The following SPATA17 variants were observed in gnomAD, a reference collection of about 807,000 sequenced individuals.
SPATA17 encodes the protein spermatogenesis-associated protein 17.
Under a neutral mutation model 62.2 loss-of-function variants are expected in SPATA17, and 53 were observed. The ratio of observed to expected loss-of-function variants is 0.85; its 90% CI spans 0.68 to 1.07. The LOEUF (loss-of-function observed/expected upper bound fraction) is 1.07. Ranked by LOEUF, SPATA17 falls within the 50% of genes least tolerant of loss-of-function variation. SPATA17 has a pLI of 0.00. For synonymous variants in SPATA17, 146 were observed against 146.8 expected (o/e 0.99, Z 0.04); for missense variants, 466 against 425.5 (o/e 1.10, Z -0.84).
intron 4 of SPATA17, among the ~76,000 whole-genome samples, chr1:217,674,212 A>T (rs1462781153): frequency 1.3e-5 from 2 of 152,176 alleles, no homozygotes; most frequent in South Asian, 2.1e-4. Context: ...GGAAGCAAGG[A>T]TTTAAAAAAG....
chr1:217,687,714 A>G (rs886162170), intron 5 of SPATA17, among the ~76,000 whole-genome samples: 2 of 152,158 alleles, frequency 1.3e-5, no homozygotes, highest in Non-Finnish European at 2.9e-5. Context: ...CACGATGATG[A>G]AATTGCCTAA....
At chr1:217,824,698 TATA>T (rs1334905916) in intron 9 of SPATA17, among the ~76,000 whole-genome samples, 5 of 150,874 alleles carry the variant, frequency 3.3e-5, no homozygotes, top group African/African-American at 1.2e-4. Context: ...ATATATATTT[TATA>T]ATGTGTTCTT....
intron 5 of SPATA17, among the ~76,000 whole-genome samples, chr1:217,715,292 T>G (rs1402021410): frequency 1.3e-5 from 2 of 152,210 alleles, no homozygotes; most frequent in Non-Finnish European, 2.9e-5. Context: ...TTGTTTTGAA[T>G]TCCCAAAGAT....
intron 5 of SPATA17, among the ~76,000 whole-genome samples, chr1:217,701,317 G>GTA (rs1366590809): frequency 2.6e-5 from 4 of 151,298 alleles, no homozygotes; most frequent in East Asian, 3.9e-4. Flanking sequence ...GTGTGTGTGT[G>GTA]TATATATATG....
intron 9 of SPATA17, among the ~76,000 whole-genome samples, chr1:217,826,660 A>T (rs1439855090): frequency 6.6e-6 from 1 of 152,080 alleles, no homozygotes; most frequent in Non-Finnish European, 1.5e-5. Flanking sequence ...TCTAAATATG[A>T]TATTTTACCA....
Position 217,671,628 on chromosome 1 carries a change from C to T in SPATA17, c.291+2545C>T, listed in dbSNP as rs565343897. Among the ~76,000 whole-genome samples, 3 of 152,190 alleles carry T rather than the reference C, an allele frequency of 2.0e-5. No homozygotes were observed. The East Asian group carries it at 5.8e-4, about 29-fold the overall frequency. ...CTTCTGTCTTCTCCCCTCCCTGCCTCTCCTGTCCTCTCCTATCCTCCTCCT... is the reference window on the plus strand; with the variant it reads ...CTTCTGTCTTCTCCCCTCCCTGCCTTTCCTGTCCTCTCCTATCCTCCTCCT... On this transcript the variant is annotated intron_variant, in intron 4 of 10. Coordinates refer to ENST00000366933, the MANE Select transcript of SPATA17 (RefSeq NM_138796.4).
rs181206145 is a variant in SPATA17, at chr1:217,805,234, A to G, written c.1005+3384A>G. 8.5e-5 allele frequency among the ~76,000 whole-genome samples: 13 copies of G among 152,358 alleles called. No individual in the cohort carries two copies. The East Asian group carries it at 2.1e-3, about 25-fold the overall frequency. The stretch of plus-strand genomic sequence containing the variant: ...AGGACATTCTGTCATTTGTGATAAC[A>G]TGGACAACCCTGGAGGATCTTACAC... On this transcript the variant is annotated intron_variant, in intron 9 of 10. Coordinates refer to ENST00000366933, the MANE Select transcript of SPATA17 (RefSeq NM_138796.4).
At chr1:217,734,645 A>G (rs1672471945) in intron 5 of SPATA17, among the ~76,000 whole-genome samples, 1 of 152,136 alleles carries the variant, frequency 6.6e-6, no homozygotes, top group Non-Finnish European at 1.5e-5. Context: ...AGATGATGGC[A>G]TTTTGTTTTT....
chr1:217,715,660 C>T (rs1486112481), intron 5 of SPATA17, among the ~76,000 whole-genome samples: 4 of 146,286 alleles, frequency 2.7e-5, no homozygotes, highest in African/African-American at 1.0e-4. Context: ...ATACACTTAG[C>T]TTGTCATGCA....
chr1:217,865,641 A>G (rs1003053045), intron 10 of SPATA17, among the ~76,000 whole-genome samples: 1 of 152,166 alleles, frequency 6.6e-6, no homozygotes, highest in African/African-American at 2.4e-5. Context: ...CCATCCTTTT[A>G]GCTCCATTTA....
chr1:217,740,639 T>TTAA (rs1455775774), intron 5 of SPATA17, among the ~76,000 whole-genome samples: 1 of 152,174 alleles, frequency 6.6e-6, no homozygotes, highest in Non-Finnish European at 1.5e-5. Context: ...TACTTAGCGA[T>TTAA]TAATAATAGC....
At chr1:217,796,130 G>A (rs1438246501) in intron 8 of SPATA17, among the ~76,000 whole-genome samples, 2 of 152,084 alleles carry the variant, frequency 1.3e-5, no homozygotes, top group Non-Finnish European at 2.9e-5. Context: ...AAATATCTAA[G>A]TTCATCATTT....
chr1:217,730,340 C>T (rs775161273), intron 5 of SPATA17, among the ~76,000 whole-genome samples: 4 of 151,754 alleles, frequency 2.6e-5, no homozygotes, highest in Non-Finnish European at 4.4e-5. Context: ...GCCTCAGCCT[C>T]AGAGTACCTG....
chr1:217,766,416 A>G (rs917008927), intron 6 of SPATA17, among the ~76,000 whole-genome samples: 21 of 151,944 alleles, frequency 1.4e-4, no homozygotes, highest in Admixed American at 7.2e-4. Flanking sequence ...ATCCAACTCC[A>G]CTTTCAAGTA....
rs1426172022 is a variant in SPATA17 at position 217,870,208 on chromosome 1, C to G, written c.*3189C>G. 1 of 152,088 alleles carries G rather than the reference C, an allele frequency of 6.6e-6. No homozygotes were observed. Among genetic ancestry groups the G allele is most frequent in the Non-Finnish European group, 1.5e-5 (1 of 68,028 alleles). The allele number at this position is 152,088 out of a possible 1,614,324, so 9.4% of individuals were successfully genotyped here. ...CCTTCATTGATTTTGTAGACCCTGACCTTCTCTGTTCTTCCAGAGAAGGTG... is the reference window on the plus strand; with the variant it reads ...CCTTCATTGATTTTGTAGACCCTGAGCTTCTCTGTTCTTCCAGAGAAGGTG... On this transcript the variant is annotated 3_prime_UTR_variant, in exon 11 of 11. Coordinates refer to ENST00000366933, the MANE Select transcript of SPATA17 (RefSeq NM_138796.4).
chr1:217,820,187 A>G lies in SPATA17; in HGVS notation c.1005+18337A>G, dbSNP rs181391457. On this transcript the variant is annotated intron_variant, in intron 9 of 10. Transcript: ENST00000366933. The stretch of plus-strand genomic sequence containing the variant: ...GACTGGAGATCTGGCCGGATATAGA[A>G]TATGCAGGTACCCGCTAGACTATCC... Among the ~76,000 whole-genome samples the G allele has an allele frequency of 3.2e-3, 486 of 152,174 alleles. 1 individual carries two copies. The highest frequency in any genetic ancestry group is 0.017 in the Middle Eastern group (5 of 294).
At chr1:217,631,973 A>T (rs750361498) in intron 1 of SPATA17, among the ~76,000 whole-genome samples, 12 of 152,156 alleles carry the variant, frequency 7.9e-5, no homozygotes, top group Non-Finnish European at 1.6e-4. Flanking sequence ...ACCTGAGGCC[A>T]GGAGTTCTAG....
chr1:217,728,993 T>C (rs1672335475), intron 5 of SPATA17, among the ~76,000 whole-genome samples: 1 of 152,226 alleles, frequency 6.6e-6, no homozygotes, highest in Non-Finnish European at 1.5e-5. Flanking sequence ...CAAGAGTTTG[T>C]GCATTGTAAC....
intron 10 of SPATA17, among the ~76,000 whole-genome samples, chr1:217,864,654 T>C (rs1675972051): frequency 6.6e-6 from 1 of 151,896 alleles, no homozygotes; most frequent in Non-Finnish European, 1.5e-5. Context: ...TATGAGTACT[T>C]TCTGTGGGAT....
Sources: allele counts gnomAD v4.1 joint callset (sites outside exome capture counted in the v4.1 genomes callset), GRCh38; gene constraint gnomAD v4.1.1; transcripts MANE v1.5; gene names NCBI Gene and HGNC (gene_info 2026-07-23, HGNC 2026-07-21).